The following ST6GAL1 variants were observed in gnomAD, a reference collection of about 807,000 sequenced individuals.
ST6GAL1 encodes the protein beta-galactoside alpha-2,6-sialyltransferase 1.
A neutral mutation model predicts 38.0 loss-of-function variants in ST6GAL1; 20 were observed. That is an observed-to-expected ratio of 0.53 (90% CI 0.37 to 0.77). The LOEUF is 0.77. ST6GAL1 is among the 30% of genes least tolerant of loss of function. The pLI, the probability that ST6GAL1 is intolerant of heterozygous loss-of-function variation, is 0.00. For missense variants in ST6GAL1, 432 were observed against 496.4 expected, an observed-to-expected ratio of 0.87 and a Z score of 1.23; for synonymous variants, 196 against 188.2, an observed-to-expected ratio of 1.04 and a Z score of -0.34.
intron 2 of ST6GAL1, among the ~76,000 whole-genome samples, chr3:186,982,649 A>G (rs1391048234): frequency 6.6e-6 from 1 of 152,050 alleles, no homozygotes; most frequent in Non-Finnish European, 1.5e-5. Context: ...ATGGCATCAC[A>G]TCGTAAATTG....
rs79968519 is a variant in ST6GAL1, at chr3:187,051,511, A to G, written c.705+165A>G. The G allele has an allele frequency of 9.7e-6, 6 of 617,574 alleles. No individual in the cohort carries two copies. In the South Asian group the frequency reaches 1.1e-4, roughly 12 times the overall value. The allele number at this position is 617,574 out of a possible 1,614,324, so 38.3% of individuals were successfully genotyped here. ...AAGAAGACAATGATTCCATGACCCA[A>G]CCTGATGATGTGTTTATTTAAAGAA... On this transcript the variant is annotated intron_variant, in intron 5 of 7. Coordinates refer to ENST00000169298, the MANE Select transcript of ST6GAL1 (RefSeq NM_173216.2).
chr3:186,995,461 G>A (rs1481878544), intron 2 of ST6GAL1, among the ~76,000 whole-genome samples: 1 of 140,806 alleles, frequency 7.1e-6, no homozygotes, highest in Non-Finnish European at 1.5e-5. Flanking sequence ...AGCCAAGATT[G>A]CGCCACTGCA....
At chr3:186,986,387 A>G (rs1270802863) in intron 2 of ST6GAL1, 1 of 152,410 alleles carries the variant, frequency 6.6e-6, no homozygotes, top group Non-Finnish European at 1.5e-5. Context: ...TCAACAGTAA[A>G]TATTTGTTGA....
intron 2 of ST6GAL1, among the ~76,000 whole-genome samples, chr3:186,991,097 A>C (rs1191105847): frequency 2.6e-5 from 4 of 151,984 alleles, no homozygotes; most frequent in Non-Finnish European, 5.9e-5. Context: ...CATTTCTTTT[A>C]TGATGTGGGA....
chr3:187,074,116 T>C (rs1337967335), intron 6 of ST6GAL1, 43 bp from the exon 7 acceptor site: 1 of 1,541,048 alleles, frequency 6.5e-7, no homozygotes, highest in Non-Finnish European at 8.8e-7. Flanking sequence ...AGCAGCTCAC[T>C]GGCCCATTTC....
intron 4 of ST6GAL1, among the ~76,000 whole-genome samples, chr3:187,049,381 G>A (rs1432134773): frequency 1.3e-5 from 2 of 152,178 alleles, no homozygotes; most frequent in Non-Finnish European, 2.9e-5. Flanking sequence ...CTCAGATCCT[G>A]CCAGGAGGCC....
intron 1 of ST6GAL1, among the ~76,000 whole-genome samples, chr3:186,949,915 C>A (rs1034867039): frequency 1.4e-4 from 22 of 152,170 alleles, no homozygotes; most frequent in Admixed American, 6.5e-5. Flanking sequence ...TGGTTGGAGA[C>A]CAATAAATCG....
chr3:186,984,948 A>G (rs1254869919), intron 2 of ST6GAL1, among the ~76,000 whole-genome samples: 2 of 150,408 alleles, frequency 1.3e-5, no homozygotes, highest in Non-Finnish European at 3.0e-5. Flanking sequence ...TCGCTCTGTC[A>G]CCCAGGCTGA....
chr3:187,036,954 T>A (rs1372782667), intron 2 of ST6GAL1, among the ~76,000 whole-genome samples: 1 of 152,264 alleles, frequency 6.6e-6, no homozygotes, highest in Non-Finnish European at 1.5e-5. Flanking sequence ...ATAGAACTCA[T>A]ATTCTTTATC....
At position 187,076,580 on chromosome 3, in the gene ST6GAL1, C is replaced by T; in HGVS notation, c.*777C>T. ...TTGGAGAGAGATGGGCTTGCTCTCT[C>T]TGTGCACCCAGGAGGGCCACGCACT... is the stretch of plus-strand genomic sequence containing the variant. On this transcript the variant is annotated 3_prime_UTR_variant, in exon 8 of 8. Coordinates refer to ENST00000169298, the MANE Select transcript of ST6GAL1 (RefSeq NM_173216.2). 2 of 359,996 alleles carry T rather than the reference C, an allele frequency of 5.6e-6. No homozygotes were observed. Among genetic ancestry groups the T allele is most frequent in the Non-Finnish European group, 9.9e-6 (2 of 202,648 alleles). The allele number at this position is 359,996 out of a possible 1,614,324, so 22.3% of individuals were successfully genotyped here. A position where few individuals can be genotyped will look rare whatever the true frequency, so the allele number is the denominator to read the frequency against.
chr3:187,071,791 A>AAG (rs1553837660), intron 5 of ST6GAL1, among the ~76,000 whole-genome samples: 12 of 149,668 alleles, frequency 8.0e-5, no homozygotes, highest in African/African-American at 2.7e-4. Context: ...AAAAAAAAAA[A>AAG]AAAAGAAAAA....
chr3:187,014,900 A>C (rs949079404), intron 2 of ST6GAL1, among the ~76,000 whole-genome samples: 1 of 152,216 alleles, frequency 6.6e-6, no homozygotes, highest in Non-Finnish European at 1.5e-5. Context: ...ACAAAATCAC[A>C]CACATGCCAC....
At chr3:187,026,382 G>T (rs1717537610) in intron 2 of ST6GAL1, among the ~76,000 whole-genome samples, 1 of 152,134 alleles carries the variant, frequency 6.6e-6, no homozygotes, top group Non-Finnish European at 1.5e-5. Context: ...TGTTGTTGCT[G>T]CAGGAATTAA....
intron 5 of ST6GAL1, 108 bp from the exon 6 acceptor site, chr3:187,072,741 T>C (rs935485732): frequency 2.1e-5 from 20 of 933,130 alleles, no homozygotes; most frequent in Admixed American, 2.1e-4. Flanking sequence ...AGAAGCCTCA[T>C]GGGGCTCTGG....
chr3:187,043,294 A>G lies in ST6GAL1; in HGVS notation c.591A>G (p.Gln197=), dbSNP rs921375244. Residue 197 remains glutamine (Q), a synonymous_variant, in exon 4 of 8, where the codon CAA becomes CAG. Coordinates refer to ENST00000169298, the MANE Select transcript of ST6GAL1 (RefSeq NM_173216.2). ...CAGCGGGATCTCTGAAGTCCTCCCA[A>G]CTAGGCAGAGAAATCGGTATGTTCT... ...VSSAGSLKSS[Q]LGREIDDHDA... 3 of 1,613,666 alleles carry G rather than the reference A, an allele frequency of 1.9e-6. No individual in the cohort carries two copies. Among genetic ancestry groups the G allele is most frequent in the East Asian group, 2.2e-5 (1 of 44,878 alleles).
At chr3:186,960,917 G>C (rs1714913141) in intron 1 of ST6GAL1, among the ~76,000 whole-genome samples, 1 of 149,580 alleles carries the variant, frequency 6.7e-6, no homozygotes. Context: ...TGCTCTCTTT[G>C]TAGGCCAGCT....
chr3:186,995,081 ATG>A (rs1224075340), intron 2 of ST6GAL1, among the ~76,000 whole-genome samples: 1 of 152,098 alleles, frequency 6.6e-6, no homozygotes, highest in African/African-American at 2.4e-5. Flanking sequence ...TTATATATAT[ATG>A]TGTGTATGTG....
intron 2 of ST6GAL1, among the ~76,000 whole-genome samples, chr3:187,006,965 A>T (rs978991466): frequency 6.6e-6 from 1 of 152,254 alleles, no homozygotes. Flanking sequence ...AACATGGATG[A>T]GAAGTAAATT....
chr3:186,952,555 A>G lies in ST6GAL1; in HGVS notation c.-324-11230A>G, dbSNP rs1312639346. Among the ~76,000 whole-genome samples, 3 of 151,602 alleles carry G rather than the reference A, an allele frequency of 2.0e-5. No homozygotes were observed. The highest frequency in any genetic ancestry group is 7.3e-5 in the African/African-American group (3 of 41,254). On this transcript the variant is annotated intron_variant, in intron 1 of 7. Transcript: ENST00000169298. The surrounding 1 kb of genome is among the most constrained non-coding windows in gnomAD (Gnocchi z 4.1). Reference sequence around the variant, plus strand: ...AGTCTCACTCTCTTACCCAGGCTGGAGTGCAGTGGCGCGATCTCAGCTCAC... The same window carrying G: ...AGTCTCACTCTCTTACCCAGGCTGGGGTGCAGTGGCGCGATCTCAGCTCAC...
Sources: gnomAD v4.1 joint callset for allele counts (sites outside exome capture counted in the v4.1 genomes callset) on GRCh38, gnomAD v4.1.1 for gene constraint, Gnocchi (gnomAD v3.1) non-coding constraint, MANE v1.5 for transcripts, NCBI Gene and HGNC (gene_info 2026-07-23, HGNC 2026-07-21) for gene names.